PHACTR1: variants seen among roughly 807,000 people sequenced by gnomAD.
PHACTR1 encodes the protein phosphatase and actin regulator 1.
A neutral mutation model predicts 69.2 loss-of-function variants in PHACTR1; 16 were observed. The ratio of observed to expected loss-of-function variants is 0.23; its 90% CI spans 0.16 to 0.35. The LOEUF is 0.35. PHACTR1 is among the 10% of genes least tolerant of loss of function. PHACTR1 has a pLI of 1.00. For missense variants in PHACTR1, 510 were observed against 734.7 expected, an observed-to-expected ratio of 0.69 and a Z score of 3.54; for synonymous variants, 312 against 284.5, an observed-to-expected ratio of 1.10 and a Z score of -0.97.
chr6:13,010,859 A>T (rs1158546593), intron 4 of PHACTR1, among the ~76,000 whole-genome samples: 2 of 152,124 alleles, frequency 1.3e-5, no homozygotes, highest in African/African-American at 4.8e-5. Flanking sequence ...AATGGACACC[A>T]GTAGTAATTC....
At position 12,919,392 on chromosome 6, in the gene PHACTR1, C is replaced by T. The variant is rs151334300; in HGVS notation, c.251-133973C>T. On this transcript the variant is annotated intron_variant, in intron 4 of 14. Coordinates refer to ENST00000332995, the MANE Select transcript of PHACTR1 (RefSeq NM_030948.6). ...TCCTGATCGCGTGATCTGCCTGCCT[C>T]GGCCTCCCAAAGTGCTGGGAGTACA... Among the ~76,000 whole-genome samples, 17 of 152,274 alleles carry T rather than the reference C, an allele frequency of 1.1e-4. 1 individual carries two copies. Among genetic ancestry groups the T allele is most frequent in the Middle Eastern group, 6.8e-3 (2 of 294 alleles).
chr6:12,788,484 C>T (rs1171100410), intron 4 of PHACTR1, among the ~76,000 whole-genome samples: 3 of 152,132 alleles, frequency 2.0e-5, no homozygotes, highest in Admixed American at 1.3e-4. Context: ...CATCAGGACA[C>T]TGAGAATATA....
At chr6:13,145,338 T>A (rs1289852945) in intron 5 of PHACTR1, among the ~76,000 whole-genome samples, 1 of 152,214 alleles carries the variant, frequency 6.6e-6, no homozygotes, top group African/African-American at 2.4e-5. Flanking sequence ...CTCTGAATAG[T>A]TTAATTTTTT....
At chr6:12,726,986 T>C (rs960015805) in intron 3 of PHACTR1, among the ~76,000 whole-genome samples, 1 of 152,238 alleles carries the variant, frequency 6.6e-6, no homozygotes, top group African/African-American at 2.4e-5. Flanking sequence ...CCAGTCTTGG[T>C]GCTTGAGGCA....
At chr6:12,862,888 T>C (rs1293910970) in intron 4 of PHACTR1, among the ~76,000 whole-genome samples, 2 of 152,192 alleles carry the variant, frequency 1.3e-5, no homozygotes, top group East Asian at 1.9e-4. Context: ...CCCTCTGCAA[T>C]TGAAGCAACT....
chr6:12,854,115 T>C (rs1780095916), intron 4 of PHACTR1, among the ~76,000 whole-genome samples: 1 of 152,188 alleles, frequency 6.6e-6, no homozygotes, highest in South Asian at 2.1e-4. Flanking sequence ...CCTAGAGTTA[T>C]GCCATGAAAA....
At chr6:13,158,831 T>G (rs1436773471) in intron 5 of PHACTR1, among the ~76,000 whole-genome samples, 2 of 152,256 alleles carry the variant, frequency 1.3e-5, no homozygotes, top group Non-Finnish European at 2.9e-5. Context: ...CTAGTTCTTC[T>G]TCATATTCTT....
chr6:12,817,535 C>G (rs1263961469), intron 4 of PHACTR1, among the ~76,000 whole-genome samples: 3 of 152,180 alleles, frequency 2.0e-5, no homozygotes, highest in African/African-American at 7.2e-5. Flanking sequence ...ATGAGATCAT[C>G]TTAGTGCTCT....
At position 12,934,844 on chromosome 6, in the gene PHACTR1, A is replaced by C. The variant is rs77761824; in HGVS notation, c.251-118521A>C. On this transcript the variant is annotated intron_variant, in intron 4 of 14. Coordinates refer to ENST00000332995, the MANE Select transcript of PHACTR1 (RefSeq NM_030948.6). ...GAATGAGATCCTCTCTCAAAAAAAA[A>C]AACAAAAAAAAAAAACTTTAATGAG... is the stretch of plus-strand genomic sequence containing the variant. 7.8e-3 allele frequency among the ~76,000 whole-genome samples: 1,183 copies of C among 151,982 alleles called. 23 individuals are homozygous for C. Among genetic ancestry groups the C allele is most frequent in the African/African-American group, 0.026 (1,081 of 41,448 alleles).
chr6:12,794,114 C>T (rs1474935435), intron 4 of PHACTR1, among the ~76,000 whole-genome samples: 1 of 152,168 alleles, frequency 6.6e-6, no homozygotes, highest in Non-Finnish European at 1.5e-5. Context: ...ACCCACTTGG[C>T]CTATTTATGA....
intron 4 of PHACTR1, among the ~76,000 whole-genome samples, chr6:12,947,406 G>A (rs1006262663): frequency 6.6e-6 from 1 of 151,884 alleles, no homozygotes; most frequent in Non-Finnish European, 1.5e-5. Flanking sequence ...TAATGTAGAG[G>A]GAAGTGGTTT....
Position 13,121,496 on chromosome 6 carries a change from A to G in PHACTR1, c.416-38708A>G, listed in dbSNP as rs546702994. 4.6e-5 allele frequency among the ~76,000 whole-genome samples: 7 copies of G among 152,376 alleles called. No individual in the cohort carries two copies. In the South Asian group the frequency reaches 1.2e-3, roughly 27 times the overall value. ...AACATAGAAGTCTATATAGTTAACT[A>G]TTAAACAGGAGTTAACGATTACACT... On this transcript the variant is annotated intron_variant, in intron 5 of 14. Transcript: ENST00000332995.
At position 12,723,304 on chromosome 6, in the gene PHACTR1, C is replaced by A. The variant is rs183337988; in HGVS notation, c.103+4457C>A. On this transcript the variant is annotated intron_variant, in intron 3 of 14. Transcript: ENST00000332995. ...AGAGTGTGATCCCAGACTGACAGCA[C>A]CAGCTTCATTCATTCGTCTGGGGCT... 5.5e-4 allele frequency among the ~76,000 whole-genome samples: 84 copies of A among 152,108 alleles called. 1 individual carries two copies. The Middle Eastern group carries it at 0.01, about 18-fold the overall frequency.
chr6:12,875,684 G>C (rs1782462057), intron 4 of PHACTR1, among the ~76,000 whole-genome samples: 1 of 152,216 alleles, frequency 6.6e-6, no homozygotes, highest in Non-Finnish European at 1.5e-5. Context: ...CTATTGTGGA[G>C]ATTTGTGTGA....
chr6:13,070,085 T>C (rs983606018), intron 5 of PHACTR1, among the ~76,000 whole-genome samples: 1 of 152,174 alleles, frequency 6.6e-6, no homozygotes, highest in Non-Finnish European at 1.5e-5. Context: ...CCTAGCAGGC[T>C]TCCCCTCCAA....
chr6:13,193,652 A>G (rs1056896816), intron 7 of PHACTR1, among the ~76,000 whole-genome samples: 1 of 151,808 alleles, frequency 6.6e-6, no homozygotes, highest in African/African-American at 2.4e-5. Context: ...CCTCCCAAGT[A>G]ACTGGGACTA....
intron 4 of PHACTR1, among the ~76,000 whole-genome samples, chr6:13,040,576 C>T (rs867584786): frequency 6.6e-6 from 1 of 152,228 alleles, no homozygotes; most frequent in South Asian, 2.1e-4. Flanking sequence ...ATTGATGAGT[C>T]TTATTGGATA....
chr6:12,762,751 T>C (rs1768167974), intron 4 of PHACTR1, among the ~76,000 whole-genome samples: 1 of 152,162 alleles, frequency 6.6e-6, no homozygotes, highest in Non-Finnish European at 1.5e-5. Context: ...TGCTGTCTAG[T>C]GGATTAGAAA....
chr6:12,928,381 C>T (rs1425306641), intron 4 of PHACTR1, among the ~76,000 whole-genome samples: 2 of 152,170 alleles, frequency 1.3e-5, no homozygotes, highest in Non-Finnish European at 2.9e-5. Flanking sequence ...CCACCACCTA[C>T]GAACGGGACT....
Sources: gnomAD v4.1 joint callset for allele counts (sites outside exome capture counted in the v4.1 genomes callset) on GRCh38, gnomAD v4.1.1 for gene constraint, MANE v1.5 for transcripts, NCBI Gene and HGNC (gene_info 2026-07-23, HGNC 2026-07-21) for gene names.